Variants in CNTNAP4 observed in about 807,000 individuals in gnomAD.
CNTNAP4 encodes the protein contactin-associated protein-like 4.
CNTNAP4 carries 98 observed loss-of-function variants against 148.4 expected under a neutral mutation model. The ratio of observed to expected loss-of-function variants is 0.66; its 90% CI spans 0.56 to 0.78. The LOEUF (loss-of-function observed/expected upper bound fraction) is 0.78, where lower values mean the gene tolerates loss of function less well. CNTNAP4 is among the 30% of genes least tolerant of loss of function. The pLI is 0.00. For missense variants in CNTNAP4, 1,935 were observed against 1,565.6 expected (o/e 1.24, Z -3.98); for synonymous variants, 730 against 565.1 (o/e 1.29, Z -4.14).
Position 76,498,608 on chromosome 16 carries a change from CAGTAACTAAGATCGT to C in CNTNAP4, c.2280_2294del (p.Val761_Val765del). On this transcript the variant is annotated inframe_deletion, in exon 15 of 24. Transcript: ENST00000611870. ...TTGCTTGCTTATAAAGAACATCTTCCAGTAACTAAGATCGTGATTACAGACACAGGCCGACTGCAT... is the reference window on the plus strand; with the variant it reads ...TTGCTTGCTTATAAAGAACATCTTCCGATTACAGACACAGGCCGACTGCAT... The C allele has an allele frequency of 6.2e-7, 1 of 1,612,392 alleles. No homozygotes were observed. The highest frequency in any genetic ancestry group is 8.5e-7 in the Non-Finnish European group (1 of 1,179,110).
At chr16:76,536,144 C>G (rs1457746330) in intron 18 of CNTNAP4, among the ~76,000 whole-genome samples, 3 of 152,046 alleles carry the variant, frequency 2.0e-5, no homozygotes, top group Non-Finnish European at 4.4e-5. Flanking sequence ...CTGTCAGCAA[C>G]CTGCCCCATG....
At chr16:76,300,704 A>C (rs997453885) in intron 1 of CNTNAP4, among the ~76,000 whole-genome samples, 7 of 152,178 alleles carry the variant, frequency 4.6e-5, no homozygotes, top group Non-Finnish European at 1.0e-4. Context: ...AACGTGGTTG[A>C]GATATAGCAT....
chr16:76,486,615 A>G (rs771949775), intron 12 of CNTNAP4, among the ~76,000 whole-genome samples: 3 of 152,206 alleles, frequency 2.0e-5, no homozygotes, highest in Non-Finnish European at 2.9e-5. Context: ...CTTGGAAGTT[A>G]GAGATAGAGA....
chr16:76,282,875 T>G (rs1354069511), intron 1 of CNTNAP4, among the ~76,000 whole-genome samples: 1 of 148,292 alleles, frequency 6.7e-6, no homozygotes, highest in Non-Finnish European at 1.5e-5. Context: ...ATTTTTTCAG[T>G]TTTTTTTCAA....
At chr16:76,319,272 G>T (rs1962152309) in intron 2 of CNTNAP4, among the ~76,000 whole-genome samples, 2 of 151,980 alleles carry the variant, frequency 1.3e-5, no homozygotes, top group African/African-American at 4.8e-5. Context: ...TACACCCGCG[G>T]TCCTAGCTAT....
At chr16:76,499,750 TG>T (rs1261597948) in intron 15 of CNTNAP4, among the ~76,000 whole-genome samples, 41 of 150,166 alleles carry the variant, frequency 2.7e-4, no homozygotes, top group African/African-American at 9.3e-4. Flanking sequence ...GATTAGGGAG[TG>T]GTGATGACTC....
chr16:76,467,268 T>A (rs1429151890), intron 9 of CNTNAP4, 84 bp from the exon 10 acceptor site: 1 of 1,211,284 alleles, frequency 8.3e-7, no homozygotes, highest in Admixed American at 2.2e-5. Flanking sequence ...TATGCCTCTT[T>A]CTTTTATTTT....
chr16:76,515,839 A>G (rs568731192), intron 15 of CNTNAP4, among the ~76,000 whole-genome samples: 2 of 152,226 alleles, frequency 1.3e-5, no homozygotes, highest in African/African-American at 2.4e-5. Context: ...ACTGGTCAGT[A>G]TATTGAGAAA....
intron 1 of CNTNAP4, among the ~76,000 whole-genome samples, chr16:76,297,272 A>G (rs1597111263): frequency 6.6e-6 from 1 of 152,286 alleles, no homozygotes; most frequent in East Asian, 1.9e-4. Flanking sequence ...CTTGAAACCA[A>G]TACACATGTA....
chr16:76,343,356 A>G (rs1385623669), intron 2 of CNTNAP4, among the ~76,000 whole-genome samples: 5 of 152,144 alleles, frequency 3.3e-5, no homozygotes, highest in African/African-American at 1.2e-4. Context: ...TAGAAATAAG[A>G]TGGAGATAAA....
rs1567828497 is a variant in CNTNAP4, at chr16:76,355,511, GGTAT to G, written c.390+3_390+6del. ...AATATCGCCAAGAGGACAGCATCTG[GGTAT>G]GTTCTTTAACAAAAGACATAGTCTC... On this transcript the variant is annotated splice_donor_variant and splice_donor_region_variant and intron_variant, in intron 3 of 23. Coordinates refer to ENST00000611870, the MANE Select transcript of CNTNAP4 (RefSeq NM_033401.5). LOFTEE classifies it high-confidence loss of function. 6.3e-7 allele frequency: 1 copy of G among 1,593,698 alleles called. No homozygotes were observed. Among genetic ancestry groups the G allele is most frequent in the Non-Finnish European group, 8.5e-7 (1 of 1,170,460 alleles).
At chr16:76,416,212 C>A (rs1358844092) in intron 3 of CNTNAP4, among the ~76,000 whole-genome samples, 3 of 151,104 alleles carry the variant, frequency 2.0e-5, no homozygotes, top group Admixed American at 6.6e-5. Context: ...TTGAAAGAAC[C>A]ACCTTTTAGT....
intron 3 of CNTNAP4, among the ~76,000 whole-genome samples, chr16:76,423,468 A>G (rs2079264413): frequency 6.6e-6 from 1 of 152,170 alleles, no homozygotes; most frequent in African/African-American, 2.4e-5. Context: ...CTTTAAAGGA[A>G]GACATAAATG....
chr16:76,395,179 G>A (rs1327418763), intron 3 of CNTNAP4, among the ~76,000 whole-genome samples: 2 of 152,118 alleles, frequency 1.3e-5, no homozygotes, highest in Non-Finnish European at 2.9e-5. Flanking sequence ...TTTTGAAGCT[G>A]CTTAAATCAG....
At chr16:76,534,483 G>T (rs1597091209) in intron 17 of CNTNAP4, among the ~76,000 whole-genome samples, 2 of 152,130 alleles carry the variant, frequency 1.3e-5, no homozygotes, top group Non-Finnish European at 2.9e-5. Flanking sequence ...CCTCTCAATA[G>T]AATTGCCAGG....
chr16:76,423,213 C>T (rs2079254538), intron 3 of CNTNAP4, among the ~76,000 whole-genome samples: 1 of 151,974 alleles, frequency 6.6e-6, no homozygotes, highest in Non-Finnish European at 1.5e-5. Context: ...TGAAGTGAGA[C>T]CTTCTAAAAT....
intron 17 of CNTNAP4, among the ~76,000 whole-genome samples, chr16:76,522,742 T>C (rs1345432748): frequency 8.5e-5 from 9 of 105,638 alleles, no homozygotes; most frequent in African/African-American, 3.6e-4. Context: ...TTTTCTTTTC[T>C]TTTCTTTTCT....
chr16:76,305,856 T>G (rs1960426206), intron 1 of CNTNAP4, among the ~76,000 whole-genome samples: 1 of 152,188 alleles, frequency 6.6e-6, no homozygotes, highest in African/African-American at 2.4e-5. Flanking sequence ...TTCCCATGTT[T>G]ATGTCCATGT....
chr16:76,506,230 AC>A lies in CNTNAP4; in HGVS notation c.2365+7538del, dbSNP rs541882171. Among the ~76,000 whole-genome samples the A allele has an allele frequency of 5.2e-4, 50 of 96,084 alleles. 8 individuals are homozygous for A. The highest frequency in any genetic ancestry group is 1.1e-3 in the African/African-American group (42 of 38,622). The allele number at this position is 96,084 out of a possible 152,430, so 63.0% of individuals were successfully genotyped here. On this transcript the variant is annotated intron_variant, in intron 15 of 23. Coordinates refer to ENST00000611870, the MANE Select transcript of CNTNAP4 (RefSeq NM_033401.5). The stretch of plus-strand genomic sequence containing the variant: ...TGAGGAACCATCCAAAGTCTTTTAG[AC>A]CAACAGTTCCTCCACTTTAGCATGT...
Sources: allele counts gnomAD v4.1 joint callset (sites outside exome capture counted in the v4.1 genomes callset), GRCh38; gene constraint gnomAD v4.1.1; transcripts MANE v1.5; gene names NCBI Gene and HGNC (gene_info 2026-07-23, HGNC 2026-07-21).